RERE: variants seen among roughly 807,000 people sequenced by gnomAD.
RERE encodes arginine-glutamic acid dipeptide repeats protein.
In RERE, 40 loss-of-function variants were observed where a neutral mutation model predicts 146.1. The observed-to-expected ratio is 0.27, with a 90% CI of 0.21 to 0.36. RERE has a LOEUF of 0.36. Among genes scored for constraint, RERE ranks in the 10% least tolerant of loss-of-function variants. The pLI is 1.00. For synonymous variants in RERE, 1,003 were observed against 866.0 expected (o/e 1.16, Z -2.78); for missense variants, 1,933 against 2,138.7 (o/e 0.90, Z 1.90).
intron 12 of RERE, among the ~76,000 whole-genome samples, chr1:8,391,498 T>TCCAAG (rs945636962): frequency 2.6e-4 from 40 of 152,156 alleles, no homozygotes; most frequent in African/African-American, 8.9e-4. Flanking sequence ...TCCCCTGAGT[T>TCCAAG]CCAAGCCTAT....
intron 7 of RERE, among the ~76,000 whole-genome samples, chr1:8,509,576 G>C (rs1645305572): frequency 6.6e-6 from 1 of 152,212 alleles, no homozygotes; most frequent in Admixed American, 6.5e-5. Flanking sequence ...GGGAGGCTAA[G>C]GCGGGAGGAT....
At chr1:8,503,895 T>C (rs561295336) in intron 8 of RERE, among the ~76,000 whole-genome samples, 1 of 152,314 alleles carries the variant, frequency 6.6e-6, no homozygotes, top group East Asian at 1.9e-4. Context: ...TTCTGGGCTG[T>C]TATATGTGTA....
intron 12 of RERE, among the ~76,000 whole-genome samples, chr1:8,382,179 G>A (rs1458191766): frequency 6.6e-6 from 1 of 152,374 alleles, no homozygotes; most frequent in East Asian, 1.9e-4. Flanking sequence ...CTGGGATTAT[G>A]CCTGCAAGCT....
At chr1:8,760,936 A>G (rs1640745701) in intron 1 of RERE, among the ~76,000 whole-genome samples, 1 of 152,194 alleles carries the variant, frequency 6.6e-6, no homozygotes, top group African/African-American at 2.4e-5. Flanking sequence ...CCACTAATGT[A>G]TAAACAACCC....
chr1:8,540,316 G>A (rs1645784337), intron 7 of RERE, among the ~76,000 whole-genome samples: 1 of 151,992 alleles, frequency 6.6e-6, no homozygotes, highest in Non-Finnish European at 1.5e-5. Flanking sequence ...GCCTAGCTAG[G>A]CTGGTCTCAA....
At chr1:8,735,252 A>G (rs998953735) in intron 1 of RERE, among the ~76,000 whole-genome samples, 5 of 152,230 alleles carry the variant, frequency 3.3e-5, no homozygotes, top group East Asian at 1.9e-4. Flanking sequence ...TGCTGAAAAT[A>G]TCAAGGAAGC....
chr1:8,745,691 C>A (rs1640405406), intron 1 of RERE, among the ~76,000 whole-genome samples: 1 of 152,226 alleles, frequency 6.6e-6, no homozygotes, highest in Admixed American at 6.5e-5. Flanking sequence ...TCAGCCCCTT[C>A]TCTTCCAGGC....
intron 12 of RERE, among the ~76,000 whole-genome samples, chr1:8,421,019 C>T (rs1360713416): frequency 6.6e-6 from 1 of 152,186 alleles, no homozygotes; most frequent in East Asian, 1.9e-4. Flanking sequence ...AGATAAAACA[C>T]TAAGTAAAAT....
intron 11 of RERE, among the ~76,000 whole-genome samples, chr1:8,443,162 C>CA (rs1304550201): frequency 6.6e-6 from 1 of 152,166 alleles, no homozygotes; most frequent in African/African-American, 2.4e-5. Context: ...GGCAATGTGG[C>CA]AAAGAAAGAA....
intron 1 of RERE, among the ~76,000 whole-genome samples, chr1:8,703,484 CCG>C (rs1343240516): frequency 2.0e-5 from 3 of 151,832 alleles, no homozygotes; most frequent in Non-Finnish European, 4.4e-5. Context: ...CCAGCCCGCT[CCG>C]CGCGCACCCC....
chr1:8,505,391 A>G (rs1465435040), intron 8 of RERE, among the ~76,000 whole-genome samples: 2 of 152,216 alleles, frequency 1.3e-5, no homozygotes, highest in Non-Finnish European at 2.9e-5. Context: ...GGCGTTTAAA[A>G]TAACGGCAGG....
chr1:8,360,498 C>T lies in RERE; in HGVS notation c.3009G>A (p.Gln1003=). ...QSQPLPSSPA[Q]PPGLTQSQNL... ...TCTGGCTCTGGGTCAGCCCGGGGGG[C>T]TGGGCGGGCGAGGAGGGCAATGGCT... Residue 1003 remains glutamine, a synonymous_variant, in exon 18 of 23, where the codon CAG becomes CAA. Coordinates refer to ENST00000400908, the MANE Select transcript of RERE (RefSeq NM_001042681.2). The T allele has an allele frequency of 3.9e-6, 5 of 1,296,090 alleles. No homozygotes were observed. The highest frequency in any genetic ancestry group is 5.0e-6 in the Non-Finnish European group (5 of 997,124). The allele number at this position is 1,296,090 out of a possible 1,614,324, so 80.3% of individuals were successfully genotyped here. A position where few individuals can be genotyped will look rare whatever the true frequency, so the allele number is the denominator to read the frequency against.
At chr1:8,766,189 G>A (rs990950960) in intron 1 of RERE, among the ~76,000 whole-genome samples, 1 of 152,118 alleles carries the variant, frequency 6.6e-6, no homozygotes, top group South Asian at 2.1e-4. Context: ...TTCTAATTTT[G>A]TTAGAAATTA....
intron 6 of RERE, among the ~76,000 whole-genome samples, 171 bp downstream of exon 6, chr1:8,556,304 G>A (rs991673268): frequency 1.1e-4 from 16 of 151,234 alleles, no homozygotes; most frequent in East Asian, 5.8e-4. Flanking sequence ...GTGAAGACAC[G>A]GAGAACCTCT....
At chr1:8,551,206 A>T (rs1390043285) in intron 6 of RERE, among the ~76,000 whole-genome samples, 1 of 152,220 alleles carries the variant, frequency 6.6e-6, no homozygotes, top group Non-Finnish European at 1.5e-5. Context: ...CAAGACACTT[A>T]CGATCTCCTG....
Position 8,362,769 on chromosome 1 carries a change from T to C in RERE, c.1816A>G (p.Ile606Val), listed in dbSNP as rs779104617. 18 of 1,614,094 alleles carry C rather than the reference T, an allele frequency of 1.1e-5. No homozygotes were observed. The highest frequency in any genetic ancestry group is 1.5e-5 in the Non-Finnish European group (18 of 1,180,042). The change falls in exon 16 of 23, where the codon ATC becomes GTC. Residue 606 changes from isoleucine to valine, a missense_variant. Physicochemically the swap from Ile to Val is conservative, Grantham distance 29. Transcript: ENST00000400908. ...DGRTSPINED[I>V]RSSGRNSPSA... The stretch of plus-strand genomic sequence containing the variant: ...GGGGAGTTCCGGCCGCTGGAGCGGA[T>C]GTCTTCATTGATGGGTGAGGTGCGA...
At chr1:8,365,485 T>C (rs1641769672) in intron 13 of RERE, among the ~76,000 whole-genome samples, 1 of 152,224 alleles carries the variant, frequency 6.6e-6, no homozygotes, top group East Asian at 1.9e-4. Flanking sequence ...GTACATCATC[T>C]GTCAAATGGA....
Position 8,360,709 on chromosome 1 carries a change from G to T in RERE, c.2798C>A (p.Thr933Asn). 2 of 1,577,698 alleles carry T rather than the reference G, an allele frequency of 1.3e-6. No individual in the cohort carries two copies. The highest frequency in any genetic ancestry group is 1.7e-6 in the Non-Finnish European group (2 of 1,163,098). The change falls in exon 18 of 23, where the codon ACC becomes AAC. Residue 933 changes from threonine (T) to asparagine (N), a missense_variant. By Grantham distance (65) the Thr-to-Asn change is moderately conservative (BLOSUM62 0). Around this residue, in one of 11 missense-constraint regions of RERE, gnomAD observed 1,255 missense variants for 1,153.8 expected, o/e 1.09. Coordinates refer to ENST00000400908, the MANE Select transcript of RERE (RefSeq NM_001042681.2). The stretch of plus-strand genomic sequence containing the variant: ...CGCCGGCAGCTGGGGGATGGGAGTG[G>T]TAGGCGGGGGCTTGATGTGGGGCAT... ...LAMPHIKPPPTTPIPQLPAPQ... is the reference protein window; with the variant it reads ...LAMPHIKPPPNTPIPQLPAPQ...
At chr1:8,796,957 A>G (rs562817628) in intron 1 of RERE, among the ~76,000 whole-genome samples, 1 of 152,220 alleles carries the variant, frequency 6.6e-6, no homozygotes, top group East Asian at 1.9e-4. Context: ...TGAGGGTCAC[A>G]GACTTAGCCA....
Sources: allele counts gnomAD v4.1 joint callset (sites outside exome capture counted in the v4.1 genomes callset), GRCh38; gene constraint gnomAD v4.1.1; regional missense constraint gnomAD v4.1.1; transcripts MANE v1.5; gene names NCBI Gene and HGNC (gene_info 2026-07-23, HGNC 2026-07-21).